Variants in RPGRIP1L observed in about 807,000 individuals in gnomAD.
RPGRIP1L encodes the protein RPGRIP1 like.
A neutral mutation model predicts 160.4 loss-of-function variants in RPGRIP1L; 131 were observed. The ratio of observed to expected loss-of-function variants is 0.82; its 90% CI spans 0.71 to 0.94. The LOEUF (loss-of-function observed/expected upper bound fraction) is 0.94. RPGRIP1L is among the 40% of genes least tolerant of loss of function. The pLI is 0.00. For missense variants in RPGRIP1L, 1,522 were observed against 1,535.8 expected, an observed-to-expected ratio of 0.99 and a Z score of 0.15; for synonymous variants, 510 against 515.8, an observed-to-expected ratio of 0.99 and a Z score of 0.15.
chr16:53,615,882 C>T (rs760047945), intron 24 of RPGRIP1L, among the ~76,000 whole-genome samples: 1 of 152,158 alleles, frequency 6.6e-6, no homozygotes, highest in Non-Finnish European at 1.5e-5. Flanking sequence ...CAGGTGTGAG[C>T]CACCACGCCC....
chr16:53,639,284 A>G (rs1194692544), intron 19 of RPGRIP1L, among the ~76,000 whole-genome samples: 1 of 151,974 alleles, frequency 6.6e-6, no homozygotes, highest in African/African-American at 2.4e-5. Context: ...TACCTATTAA[A>G]CTTCTTAGAT....
In RPGRIP1L at chr16:53,664,241, T is replaced by C. The variant is rs527421846; in HGVS notation, c.1243+629A>G. ...TTACTTCTATGAGATCTGTTACTTA[T>C]ACTGAAACTTATTAGTGATTATTAT... On this transcript the variant is annotated intron_variant, in intron 10 of 26. Transcript: ENST00000647211. Among the ~76,000 whole-genome samples the C allele has an allele frequency of 2.0e-4, 31 of 152,352 alleles. No homozygotes were observed. The South Asian group carries it at 6.2e-3, about 31-fold the overall frequency.
intron 6 of RPGRIP1L, among the ~76,000 whole-genome samples, chr16:53,682,456 G>C (rs1409819664): frequency 6.6e-6 from 1 of 152,096 alleles, no homozygotes; most frequent in Non-Finnish European, 1.5e-5. Context: ...TTCTTCTGTT[G>C]CTCTAGTTTC....
chr16:53,666,592 G>GTGTGTA (rs1555608921), intron 9 of RPGRIP1L, among the ~76,000 whole-genome samples: 154 of 147,454 alleles, frequency 1.0e-3, no homozygotes, highest in African/African-American at 2.6e-3. Context: ...GTGTGTGTGT[G>GTGTGTA]TATATATATA....
chr16:53,674,253 C>G (rs1174860209), intron 7 of RPGRIP1L, among the ~76,000 whole-genome samples: 1 of 152,142 alleles, frequency 6.6e-6, no homozygotes, highest in African/African-American at 2.4e-5. Context: ...TGACCCTTTG[C>G]TTTGCATCAA....
At chr16:53,697,032 A>G (rs1174353953) in intron 2 of RPGRIP1L, among the ~76,000 whole-genome samples, 4 of 152,052 alleles carry the variant, frequency 2.6e-5, no homozygotes, top group Non-Finnish European at 4.4e-5. Context: ...CGTCTCTACT[A>G]AAAATACGAA....
At chr16:53,627,659 C>T (rs746895910) in intron 22 of RPGRIP1L, among the ~76,000 whole-genome samples, 10 of 152,114 alleles carry the variant, frequency 6.6e-5, no homozygotes, top group Non-Finnish European at 1.3e-4. Flanking sequence ...CTATAAACAA[C>T]ATACAGTATT....
At chr16:53,664,828 A>T (rs1400888057) in intron 10 of RPGRIP1L, 42 bp downstream of exon 10, 1 of 1,596,970 alleles carries the variant, frequency 6.3e-7, no homozygotes, top group Admixed American at 1.7e-5. Context: ...AAGAAACATT[A>T]GATGTCTGAA....
At chr16:53,610,686 C>T (rs935623094) in intron 25 of RPGRIP1L, among the ~76,000 whole-genome samples, 2 of 152,192 alleles carry the variant, frequency 1.3e-5, no homozygotes, top group Admixed American at 6.5e-5. Flanking sequence ...ACAGTCTTTA[C>T]AACTACAGGA....
At chr16:53,634,490 G>T (rs1304306793) in intron 22 of RPGRIP1L, among the ~76,000 whole-genome samples, 1 of 152,112 alleles carries the variant, frequency 6.6e-6, no homozygotes, top group Non-Finnish European at 1.5e-5. Flanking sequence ...CTCCACCAAG[G>T]TCATGTTAAA....
intron 13 of RPGRIP1L, among the ~76,000 whole-genome samples, chr16:53,656,805 A>C (rs1286217363): frequency 6.6e-6 from 1 of 152,164 alleles, no homozygotes; most frequent in African/African-American, 2.4e-5. Flanking sequence ...TTTTATGGAG[A>C]TGTGTTTTCA....
At chr16:53,625,419 C>T (rs1047765435) in intron 22 of RPGRIP1L, among the ~76,000 whole-genome samples, 3 of 144,358 alleles carry the variant, frequency 2.1e-5, no homozygotes, top group Non-Finnish European at 4.6e-5. Flanking sequence ...GCGGCCGCCC[C>T]GTCTGGGGGG....
chr16:53,657,366 T>C (rs184829142), intron 13 of RPGRIP1L, 87 bp downstream of exon 13: 178 of 871,772 alleles, frequency 2.0e-4, no homozygotes, highest in Middle Eastern at 1.7e-3. Flanking sequence ...TGTTAATAGA[T>C]AACAGGTGAT....
intron 22 of RPGRIP1L, among the ~76,000 whole-genome samples, chr16:53,626,998 C>T (rs982605563): frequency 2.6e-5 from 4 of 151,988 alleles, no homozygotes; most frequent in African/African-American, 9.7e-5. Flanking sequence ...TGGCTCAATT[C>T]CACTATTGCT....
At chr16:53,694,720 C>T (rs1970625963) in intron 3 of RPGRIP1L, 1 of 152,122 alleles carries the variant, frequency 6.6e-6, no homozygotes, top group Admixed American at 6.5e-5. Flanking sequence ...TCATGTTAGC[C>T]AGGCTGGTCT....
intron 17 of RPGRIP1L, among the ~76,000 whole-genome samples, chr16:53,641,879 T>G (rs1224203585): frequency 6.6e-6 from 1 of 152,192 alleles, no homozygotes; most frequent in Non-Finnish European, 1.5e-5. Context: ...TTGTAAGTCT[T>G]TTGGCTTGTC....
At position 53,655,541 on chromosome 16, in the gene RPGRIP1L, A is replaced by G. The variant is rs547943086; in HGVS notation, c.1699+931T>C. The G allele has an allele frequency of 1.9e-3, 282 of 152,312 alleles. 2 individuals are homozygous for G. The highest frequency in any genetic ancestry group is 6.0e-3 in the African/African-American group (251 of 41,570). The allele number at this position is 152,312 out of a possible 1,614,324, so 9.4% of individuals were successfully genotyped here. A position where few individuals can be genotyped will look rare whatever the true frequency, so the allele number is the denominator to read the frequency against. ...TGTAGAACTTACATTTTGGTTATGGAGAATATGCAAAACTCCAACAGCTGA... is the reference window on the plus strand; with the variant it reads ...TGTAGAACTTACATTTTGGTTATGGGGAATATGCAAAACTCCAACAGCTGA... On this transcript the variant is annotated intron_variant, in intron 14 of 26. Transcript: ENST00000647211.
At chr16:53,684,122 G>A (rs1969813721) in intron 6 of RPGRIP1L, among the ~76,000 whole-genome samples, 1 of 152,126 alleles carries the variant, frequency 6.6e-6, no homozygotes, top group Admixed American at 6.5e-5. Flanking sequence ...TGGAGAAATA[G>A]GAACACTTTT....
chr16:53,688,080 G>A, intron 4 of RPGRIP1L, 115 bp from the exon 5 acceptor site: 1 of 691,898 alleles, frequency 1.4e-6, no homozygotes, highest in Admixed American at 2.3e-5. Context: ...AGAGGTATGT[G>A]TTTTATAGTA....
Sources: gnomAD v4.1 joint callset for allele counts (sites outside exome capture counted in the v4.1 genomes callset) on GRCh38, gnomAD v4.1.1 for gene constraint, MANE v1.5 for transcripts, NCBI Gene and HGNC (gene_info 2026-07-23, HGNC 2026-07-21) for gene names.